Variants in GRIK2 observed in about 807,000 individuals in gnomAD.
GRIK2 encodes the protein glutamate ionotropic receptor kainate type subunit 2.
GRIK2 carries 32 observed loss-of-function variants against 100.3 expected under a neutral mutation model. That is an observed-to-expected ratio of 0.32 (90% CI 0.24 to 0.43). The LOEUF (loss-of-function observed/expected upper bound fraction) is 0.43, where lower values mean the gene tolerates loss of function less well. GRIK2 is among the 20% of genes least tolerant of loss of function. The pLI, the probability that GRIK2 is intolerant of heterozygous loss-of-function variation, is 1.00. For synonymous variants in GRIK2, 417 were observed against 389.4 expected, an observed-to-expected ratio of 1.07 and a Z score of -0.83; for missense variants, 843 against 1,114.9, an observed-to-expected ratio of 0.76 and a Z score of 3.47.
At chr6:101,638,398 G>T (rs140156435) in intron 4 of GRIK2, among the ~76,000 whole-genome samples, 1 of 151,862 alleles carries the variant, frequency 6.6e-6, no homozygotes, top group African/African-American at 2.4e-5. Context: ...GAGAAATAAA[G>T]CAGGAGAGAT....
At chr6:102,067,762 T>A (rs952491012) in intron 16 of GRIK2, among the ~76,000 whole-genome samples, 20 of 152,054 alleles carry the variant, frequency 1.3e-4, no homozygotes, top group Middle Eastern at 3.4e-3. Flanking sequence ...CATGATTAAG[T>A]CATATTTGTT....
intron 12 of GRIK2, among the ~76,000 whole-genome samples, chr6:101,894,146 TTA>T (rs1787285075): frequency 6.6e-6 from 1 of 151,598 alleles, no homozygotes; most frequent in Non-Finnish European, 1.5e-5. Flanking sequence ...TTGTTAGAAT[TTA>T]TGTTTTTAAA....
At chr6:101,909,359 A>G (rs367800333) in intron 12 of GRIK2, among the ~76,000 whole-genome samples, 1 of 140,132 alleles carries the variant, frequency 7.1e-6, no homozygotes, top group East Asian at 2.2e-4. Context: ...TTGGATGCTG[A>G]AGGAAGATAG....
At chr6:101,631,481 G>C (rs565376227) in intron 4 of GRIK2, among the ~76,000 whole-genome samples, 1 of 152,084 alleles carries the variant, frequency 6.6e-6, no homozygotes, top group Non-Finnish European at 1.5e-5. Context: ...GAGCTATAAT[G>C]CACTATGAAT....
chr6:101,834,971 C>G (rs1010525625), intron 10 of GRIK2, among the ~76,000 whole-genome samples: 1 of 152,118 alleles, frequency 6.6e-6, no homozygotes, highest in African/African-American at 2.4e-5. Flanking sequence ...TCACTGCACT[C>G]CAGCCTGGGT....
At chr6:101,743,714 A>G (rs1483350193) in intron 7 of GRIK2, among the ~76,000 whole-genome samples, 4 of 152,176 alleles carry the variant, frequency 2.6e-5, no homozygotes, top group Non-Finnish European at 5.9e-5. Context: ...AGTATGTCCT[A>G]TCACTTCCAT....
intron 2 of GRIK2, among the ~76,000 whole-genome samples, chr6:101,427,084 T>A (rs1209336002): frequency 6.6e-6 from 1 of 152,170 alleles, no homozygotes; most frequent in Non-Finnish European, 1.5e-5. Flanking sequence ...GAGGGGCCTG[T>A]GGAGCTTGGA....
chr6:101,626,626 A>T lies in GRIK2; in HGVS notation c.530A>T (p.Asp177Val), dbSNP rs1780453110. 1 of 1,613,520 alleles carries T rather than the reference A, an allele frequency of 6.2e-7. No individual in the cohort carries two copies. The highest frequency in any genetic ancestry group is 1.3e-5 in the African/African-American group (1 of 74,912). ...TGGAAAACCGTCACGGTTGTGTATG[A>T]TGACAGCACTGGTAAGAAAAATCAG... is the stretch of plus-strand genomic sequence containing the variant. ...FKWKTVTVVY[D>V]DSTGLIRLQE... The change falls in exon 4 of 17, where the codon GAT becomes GTT. Residue 177 changes from aspartate to valine, a missense_variant. Physicochemically the swap from Asp to Val is radical, Grantham distance 152. This residue lies in a region of GRIK2 where 519 missense variants were observed against 643.8 expected (regional missense o/e 0.81). Coordinates refer to ENST00000369134, the MANE Select transcript of GRIK2 (RefSeq NM_021956.5).
chr6:101,999,361 A>T (rs1327350871), intron 14 of GRIK2, among the ~76,000 whole-genome samples: 1 of 152,148 alleles, frequency 6.6e-6, no homozygotes, highest in Non-Finnish European at 1.5e-5. Flanking sequence ...TAATTTTACT[A>T]TATAAACAGA....
chr6:101,583,456 A>G (rs73506660), intron 2 of GRIK2, among the ~76,000 whole-genome samples: 3,646 of 152,228 alleles, frequency 0.024, 46 homozygotes, highest in African/African-American at 0.037. Context: ...GTGTAGCTAC[A>G]TTATAAATCC....
chr6:101,788,601 G>A (rs1053816967), intron 7 of GRIK2, among the ~76,000 whole-genome samples: 21 of 151,884 alleles, frequency 1.4e-4, no homozygotes, highest in Non-Finnish European at 2.6e-4. Context: ...TTCTTAATCG[G>A]GTCTATCATT....
At chr6:101,538,592 CA>C (rs1775834303) in intron 2 of GRIK2, among the ~76,000 whole-genome samples, 1 of 149,620 alleles carries the variant, frequency 6.7e-6, no homozygotes, top group African/African-American at 2.5e-5. Flanking sequence ...GTAATATTGA[CA>C]CACAAATGCC....
At chr6:101,956,332 A>G (rs1165867478) in intron 14 of GRIK2, among the ~76,000 whole-genome samples, 1 of 152,092 alleles carries the variant, frequency 6.6e-6, no homozygotes, top group Non-Finnish European at 1.5e-5. Context: ...CTATTTGGAG[A>G]ATATTGTTAC....
At chr6:101,816,069 T>C (rs978630036) in intron 9 of GRIK2, among the ~76,000 whole-genome samples, 3 of 152,104 alleles carry the variant, frequency 2.0e-5, no homozygotes, top group Non-Finnish European at 4.4e-5. Flanking sequence ...AAAGTAATAA[T>C]GGAGGGTGGC....
chr6:101,786,243 T>A (rs1478531347), intron 7 of GRIK2, among the ~76,000 whole-genome samples: 2 of 147,852 alleles, frequency 1.4e-5, no homozygotes, highest in Non-Finnish European at 3.0e-5. Context: ...TCATGTCACC[T>A]GCAAAAGGGA....
intron 14 of GRIK2, among the ~76,000 whole-genome samples, chr6:101,959,370 C>G (rs866865912): frequency 6.6e-6 from 1 of 152,006 alleles, no homozygotes; most frequent in Non-Finnish European, 1.5e-5. Context: ...AGTTTGTATG[C>G]CTAGTGATAC....
At chr6:101,519,188 T>C (rs952785245) in intron 2 of GRIK2, among the ~76,000 whole-genome samples, 2 of 152,088 alleles carry the variant, frequency 1.3e-5, no homozygotes, top group African/African-American at 4.8e-5. Flanking sequence ...CACAAATATG[T>C]GCTATATAAA....
At chr6:101,975,728 G>C (rs1049508132) in intron 14 of GRIK2, among the ~76,000 whole-genome samples, 1 of 151,860 alleles carries the variant, frequency 6.6e-6, no homozygotes, top group African/African-American at 2.4e-5. Flanking sequence ...GTGGAGTCAG[G>C]TAGTTTTTAG....
At chr6:101,733,254 C>T (rs922328665) in intron 7 of GRIK2, among the ~76,000 whole-genome samples, 1 of 152,082 alleles carries the variant, frequency 6.6e-6, no homozygotes, top group African/African-American at 2.4e-5. Flanking sequence ...ATTACTCTTT[C>T]CTGAGAAAAA....
Sources: allele counts gnomAD v4.1 joint callset (sites outside exome capture counted in the v4.1 genomes callset), GRCh38; gene constraint gnomAD v4.1.1; regional missense constraint gnomAD v4.1.1; transcripts MANE v1.5; gene names NCBI Gene and HGNC (gene_info 2026-07-23, HGNC 2026-07-21).